NCKAP5: variants seen among roughly 807,000 people sequenced by gnomAD.
NCKAP5 encodes nck-associated protein 5.
Under a neutral mutation model 167.0 loss-of-function variants are expected in NCKAP5, and 92 were observed. The ratio of observed to expected loss-of-function variants is 0.55; its 90% confidence interval spans 0.47 to 0.66. The LOEUF is 0.66. Among genes scored for constraint, NCKAP5 ranks in the 30% least tolerant of loss-of-function variants. The pLI is 0.00. For missense variants in NCKAP5, 2,378 were observed against 2,315.0 expected, an observed-to-expected ratio of 1.03 and a Z score of -0.56; for synonymous variants, 891 against 877.4, an observed-to-expected ratio of 1.02 and a Z score of -0.27.
chr2:133,375,306 G>A (rs537224197), intron 3 of NCKAP5, among the ~76,000 whole-genome samples: 1 of 152,304 alleles, frequency 6.6e-6, no homozygotes, highest in East Asian at 1.9e-4. Flanking sequence ...GTAATGTCTT[G>A]AGGAAACAAT....
rs748632567 is a variant in NCKAP5, at chr2:133,037,209, A to C, written c.342-42970T>G. On this transcript the variant is annotated intron_variant, in intron 6 of 19. Coordinates refer to ENST00000409261, the MANE Select transcript of NCKAP5 (RefSeq NM_207363.3). ...TGGATTGAAAGAATCAATATCATTA[A>C]AATGTCCGTACTATCCAAAGGCATC... 7.6e-4 allele frequency among the ~76,000 whole-genome samples: 115 copies of C among 152,150 alleles called. 2 individuals are homozygous for C. Among genetic ancestry groups the C allele is most frequent in the Admixed American group, 3.3e-4 (5 of 15,270 alleles).
At chr2:133,669,062 T>G in the NCKAP5 span, among the ~76,000 whole-genome samples, 4 of 152,298 alleles carry the variant, frequency 2.6e-5, no homozygotes. Context: ...TGGTTGAAAT[T>G]CTATTTAACA....
At chr2:133,657,301 G>A in the NCKAP5 span, among the ~76,000 whole-genome samples, 2 of 152,160 alleles carry the variant, frequency 1.3e-5, no homozygotes, top group Non-Finnish European at 2.9e-5. Context: ...TGCTGGTCAA[G>A]GCTTCCACAT....
intron 10 of NCKAP5, among the ~76,000 whole-genome samples, chr2:132,863,318 T>G (rs1244009240): frequency 6.6e-6 from 1 of 152,040 alleles, no homozygotes; most frequent in Non-Finnish European, 1.5e-5. Context: ...TCATCCTCAT[T>G]TGCAACATAG....
chr2:133,631,029 GGAAT>G, the NCKAP5 span, among the ~76,000 whole-genome samples: 7 of 151,756 alleles, frequency 4.6e-5, no homozygotes, highest in South Asian at 2.1e-4. Flanking sequence ...CCAACAAGAA[GGAAT>G]GGTTAATTAG....
chr2:133,621,077 T>C, the NCKAP5 span, among the ~76,000 whole-genome samples: 1 of 152,072 alleles, frequency 6.6e-6, no homozygotes, highest in South Asian at 2.1e-4. Flanking sequence ...AATTGAACGA[T>C]AATAGTGACA....
At chr2:133,577,930 G>C in the NCKAP5 span, among the ~76,000 whole-genome samples, 6 of 152,096 alleles carry the variant, frequency 3.9e-5, no homozygotes, top group Non-Finnish European at 8.8e-5. Flanking sequence ...CTTAGAAAAG[G>C]CTTCATAGAA....
chr2:133,188,962 C>T (rs1038473264), intron 5 of NCKAP5, among the ~76,000 whole-genome samples: 3 of 151,822 alleles, frequency 2.0e-5, no homozygotes, highest in African/African-American at 7.3e-5. Context: ...GATAGAGACA[C>T]AAAAAACTCT....
intron 5 of NCKAP5, among the ~76,000 whole-genome samples, chr2:133,144,585 G>GA (rs1559188265): frequency 6.6e-6 from 1 of 152,060 alleles, no homozygotes; most frequent in Non-Finnish European, 1.5e-5. Flanking sequence ...TGTCGAAAAT[G>GA]AAAAAATTAA....
intron 4 of NCKAP5, among the ~76,000 whole-genome samples, chr2:133,263,551 A>G (rs1305191161): frequency 6.6e-6 from 1 of 152,116 alleles, no homozygotes; most frequent in Non-Finnish European, 1.5e-5. Context: ...TCTGAAATGC[A>G]AACCAAAATT....
chr2:132,927,975 G>A (rs961358988), intron 8 of NCKAP5, among the ~76,000 whole-genome samples: 1 of 152,104 alleles, frequency 6.6e-6, no homozygotes, highest in Non-Finnish European at 1.5e-5. Context: ...CCTTTCACAT[G>A]TATAAAATAT....
chr2:133,568,023 G>A (rs1311654017), intron 1 of NCKAP5, among the ~76,000 whole-genome samples, 193 bp downstream of exon 1: 1 of 152,126 alleles, frequency 6.6e-6, no homozygotes, highest in Admixed American at 6.5e-5. Context: ...TCAGAGACAA[G>A]GGGTCCTCTA....
At chr2:133,117,404 G>A (rs1182651371) in intron 6 of NCKAP5, 2 of 152,194 alleles carry the variant, frequency 1.3e-5, no homozygotes, top group Non-Finnish European at 2.9e-5. Context: ...AATGATGGAT[G>A]TTCTCACTGT....
Position 132,708,657 on chromosome 2 carries a change from C to T in NCKAP5, c.5713+16970G>A, listed in dbSNP as rs906622655. Among the ~76,000 whole-genome samples the T allele has an allele frequency of 2.0e-5, 3 of 152,332 alleles. No homozygotes were observed. The East Asian group carries it at 5.8e-4, about 29-fold the overall frequency. On this transcript the variant is annotated intron_variant, in intron 19 of 19. Coordinates refer to ENST00000409261, the MANE Select transcript of NCKAP5 (RefSeq NM_207363.3). Reference sequence around the variant, plus strand: ...ACCATCCTGAGGGAAAGGACACAAGCCCGGCTGGCTTCGCCACCTGCTGAC... The same window carrying T: ...ACCATCCTGAGGGAAAGGACACAAGTCCGGCTGGCTTCGCCACCTGCTGAC...
intron 8 of NCKAP5, among the ~76,000 whole-genome samples, chr2:132,898,614 G>A (rs1380181589): frequency 6.6e-6 from 1 of 152,164 alleles, no homozygotes; most frequent in African/African-American, 2.4e-5. Context: ...TGATCCATGA[G>A]CTGCAGAATG....
chr2:132,843,466 G>C (rs1022031098), intron 11 of NCKAP5, among the ~76,000 whole-genome samples: 1 of 151,560 alleles, frequency 6.6e-6, no homozygotes, highest in East Asian at 1.9e-4. Context: ...TCTGTTTAAG[G>C]CTTCTAAACT....
At chr2:133,655,909 C>G in the NCKAP5 span, among the ~76,000 whole-genome samples, 1 of 152,142 alleles carries the variant, frequency 6.6e-6, no homozygotes, top group Non-Finnish European at 1.5e-5. Flanking sequence ...AGGGATGGTA[C>G]CATAGCAGAC....
At chr2:133,634,037 A>T in the NCKAP5 span, among the ~76,000 whole-genome samples, 1 of 152,200 alleles carries the variant, frequency 6.6e-6, no homozygotes, top group African/African-American at 2.4e-5. Context: ...GTTACCAGCC[A>T]CTTCAGTCTT....
chr2:132,707,598 T>A (rs1327662991), intron 19 of NCKAP5, among the ~76,000 whole-genome samples: 1 of 152,108 alleles, frequency 6.6e-6, no homozygotes, highest in African/African-American at 2.4e-5. Context: ...ATTCAACAAA[T>A]GTTTGTTAGG....
Sources: gnomAD v4.1 joint callset for allele counts (sites outside exome capture counted in the v4.1 genomes callset) on GRCh38, gnomAD v4.1.1 for gene constraint, MANE v1.5 for transcripts, NCBI Gene and HGNC (gene_info 2026-07-23, HGNC 2026-07-21) for gene names.